The following SEPTIN8 variants were observed in gnomAD, a reference collection of about 807,000 sequenced individuals.
SEPTIN8 encodes septin-8.
SEPTIN8 carries 22 observed loss-of-function variants against 53.1 expected under a neutral mutation model. That is an observed-to-expected ratio of 0.41 (90% CI 0.30 to 0.59). The LOEUF is 0.59. Among genes scored for constraint, SEPTIN8 ranks in the 20% least tolerant of loss-of-function variants. The pLI is 0.24. For synonymous variants in SEPTIN8, 228 were observed against 248.4 expected (o/e 0.92, Z 0.77); for missense variants, 536 against 638.7 (o/e 0.84, Z 1.73).
Position 132,762,562 on chromosome 5 carries a change from C to A in SEPTIN8, c.618G>T (p.Glu206Asp). The A allele has an allele frequency of 6.2e-7, 1 of 1,614,248 alleles. No individual in the cohort carries two copies. Among genetic ancestry groups the A allele is most frequent in the Non-Finnish European group, 8.5e-7 (1 of 1,180,024 alleles). ...AGATCTGGACCCCGTTGCTGACCAA[C>A]TCGCCCATGATCTTGATCTTGAACT... ...LHKFKIKIMG[E>D]LVSNGVQIYQ... The change falls in exon 5 of 10, where the codon GAG becomes GAT. Residue 206 changes from glutamate to aspartate, a missense_variant. This residue lies in a region of SEPTIN8 where 395 missense variants were observed against 451.8 expected (regional missense o/e 0.87). Coordinates refer to ENST00000378719, the MANE Select transcript of SEPTIN8 (RefSeq NM_001098811.2).
rs759036472 is a variant in SEPTIN8, at chr5:132,762,619, C to T, written c.561G>A (p.Lys187=). The change falls in exon 5 of 10, where the codon AAG becomes AAA. Residue 187 remains lysine (K), a synonymous_variant. Coordinates refer to ENST00000378719, the MANE Select transcript of SEPTIN8 (RefSeq NM_001098811.2). ...SKVNIIPIIA[K]ADTISKSELH... ...GCTCGCTCTTGGAGATGGTGTCAGCCTTGGCGATGATGGGAATAATGTTCA... is the reference window on the plus strand; with the variant it reads ...GCTCGCTCTTGGAGATGGTGTCAGCTTTGGCGATGATGGGAATAATGTTCA... The T allele has an allele frequency of 6.2e-7, 1 of 1,614,226 alleles. No individual in the cohort carries two copies. The highest frequency in any genetic ancestry group is 8.5e-7 in the Non-Finnish European group (1 of 1,180,040).
At chr5:132,777,301 A>T (rs1481065406), upstream of SEPTIN8, 1 of 1,090,514 alleles carries the variant, frequency 9.2e-7, no homozygotes, top group East Asian at 5.5e-5. The surrounding 1 kb of genome is among the most constrained non-coding windows in gnomAD (Gnocchi z 4.1). Flanking sequence ...GAAGCCGCGG[A>T]GCCGCCCCTG....
In SEPTIN8 at chr5:132,763,828, T is replaced by A; in HGVS notation, c.412A>T (p.Ile138Phe). The change falls in exon 4 of 10, where the codon ATC (isoleucine) becomes TTC (phenylalanine). Residue 138 changes from isoleucine (I) to phenylalanine (F), a missense_variant. Physicochemically the swap from Ile to Phe is conservative, Grantham distance 21. Transcript: ENST00000378719. ...FENYLQEELK[I>F]RRSLFDYHDT... ...TGGTAGTCGAAGAGCGAGCGGCGGATCTTCAGCTCCTCCTGCAGATAATTT... is the reference window on the plus strand; with the variant it reads ...TGGTAGTCGAAGAGCGAGCGGCGGAACTTCAGCTCCTCCTGCAGATAATTT... 6.2e-7 allele frequency: 1 copy of A among 1,610,448 alleles called. No homozygotes were observed. The highest frequency in any genetic ancestry group is 8.5e-7 in the Non-Finnish European group (1 of 1,178,228).
intron 1 of SEPTIN8, among the ~76,000 whole-genome samples, chr5:132,772,879 A>C (rs374371500): frequency 6.6e-6 from 1 of 152,238 alleles, no homozygotes; most frequent in African/African-American, 2.4e-5. Context: ...CAAGCCCTGG[A>C]GCCCCCTCAG....
chr5:132,756,387 T>C, intron 9 of SEPTIN8: 2 of 984,838 alleles, frequency 2.0e-6, no homozygotes, highest in Non-Finnish European at 2.4e-6. Context: ...ACGAATTATA[T>C]GGTGATTCTT....
chr5:132,753,260 C>T (rs185878684), intron 9 of SEPTIN8: 1 of 371,542 alleles, frequency 2.7e-6, no homozygotes, highest in Admixed American at 3.8e-5. Context: ...CAAATGGCAG[C>T]TTGTTTTACC....
chr5:132,758,244 G>A, intron 9 of SEPTIN8: 6 of 1,269,904 alleles, frequency 4.7e-6, no homozygotes, highest in Non-Finnish European at 6.0e-6. Context: ...AAAAATCAGG[G>A]AATCTGTGTT....
intron 2 of SEPTIN8, among the ~76,000 whole-genome samples, chr5:132,764,754 T>C (rs1176796801): frequency 6.6e-6 from 1 of 151,838 alleles, no homozygotes; most frequent in Non-Finnish European, 1.5e-5. Context: ...ACCTCACACA[T>C]AACCTGCTCT....
At chr5:132,777,337 C>T (rs1439769644), upstream of SEPTIN8, 3 of 1,058,182 alleles carry the variant, frequency 2.8e-6, no homozygotes, top group African/African-American at 1.7e-5. This position sits in a 1 kb window ranked among gnomAD's most constrained non-coding sequence, Gnocchi z 4.1. Flanking sequence ...CCGGCCTCCC[C>T]GCCCGGCCCG....
intron 1 of SEPTIN8, among the ~76,000 whole-genome samples, chr5:132,774,394 G>A (rs1051571944): frequency 6.6e-5 from 10 of 152,194 alleles, no homozygotes; most frequent in Non-Finnish European, 1.5e-4. Context: ...GCTGGCCCTC[G>A]GGGAAGAAAG....
intron 4 of SEPTIN8, 46 bp downstream of exon 4, chr5:132,763,660 A>G (rs758847083): frequency 7.6e-6 from 12 of 1,570,394 alleles, no homozygotes; most frequent in Admixed American, 1.7e-5. Flanking sequence ...ATCGCATCGC[A>G]GCAGAAGACT....
chr5:132,779,643 A>G (rs942282088), upstream of SEPTIN8, among the ~76,000 whole-genome samples: 12 of 152,206 alleles, frequency 7.9e-5, no homozygotes, highest in African/African-American at 2.7e-4. Context: ...GATGTTGTCA[A>G]GTGTACTTGT....
At chr5:132,759,528 T>C (rs1755676894) in intron 9 of SEPTIN8, among the ~76,000 whole-genome samples, 1 of 152,218 alleles carries the variant, frequency 6.6e-6, no homozygotes, top group Non-Finnish European at 1.5e-5. Flanking sequence ...CTGGCTACCT[T>C]TTCTTTAACA....
Position 132,777,055 on chromosome 5 carries a change from C to T in SEPTIN8, c.30+53G>A. The T allele has an allele frequency of 2.8e-6, 3 of 1,089,510 alleles. No individual in the cohort carries two copies. Among genetic ancestry groups the T allele is most frequent in the Non-Finnish European group, 3.4e-6 (3 of 880,324 alleles). The allele number at this position is 1,089,510 out of a possible 1,614,324, so 67.5% of individuals were successfully genotyped here. On this transcript the variant is annotated intron_variant, in intron 1 of 9. Coordinates refer to ENST00000378719, the MANE Select transcript of SEPTIN8 (RefSeq NM_001098811.2). This position sits in a 1 kb window ranked among gnomAD's most constrained non-coding sequence, Gnocchi z 4.1. ...CGCCCCCCGCCAGCTGCAGGGCGGCCCCTCCTGCGCCCCGCGCCTCCCGCG... is the reference window on the plus strand; with the variant it reads ...CGCCCCCCGCCAGCTGCAGGGCGGCTCCTCCTGCGCCCCGCGCCTCCCGCG...
chr5:132,759,681 G>A (rs2149963094), intron 9 of SEPTIN8, among the ~76,000 whole-genome samples: 1 of 152,296 alleles, frequency 6.6e-6, no homozygotes, highest in Admixed American at 6.5e-5. Flanking sequence ...AGGAGGAAAT[G>A]GATCCCGAGA....
At chr5:132,763,939 G>A in intron 3 of SEPTIN8, 47 bp from the exon 4 acceptor site, 3 of 1,499,950 alleles carry the variant, frequency 2.0e-6, no homozygotes, top group East Asian at 2.3e-5. Context: ...GAGATCAGGG[G>A]CTTGGGGCTT....
intron 3 of SEPTIN8, 115 bp downstream of exon 3, chr5:132,764,109 T>C: frequency 4.3e-6 from 5 of 1,163,864 alleles, no homozygotes; most frequent in East Asian, 4.8e-5. Context: ...GCCTCAGATA[T>C]TCCCCAAGAG....
At chr5:132,758,235 A>C in intron 9 of SEPTIN8, 1 of 1,257,504 alleles carries the variant, frequency 8.0e-7, no homozygotes, top group Non-Finnish European at 1.0e-6. Context: ...TTAGTTTTTA[A>C]AAATCAGGGA....
rs1326679376 is a variant in SEPTIN8, at chr5:132,770,070, T to C, written c.31-4541A>G. 6.1e-5 allele frequency among the ~76,000 whole-genome samples: 4 copies of C among 65,220 alleles called. No homozygotes were observed. In the African/African-American group the frequency reaches 9.9e-4, roughly 16 times the overall value. 42.8% of individuals were successfully genotyped at this position (65,220 alleles called of 152,430 possible). A position where few individuals can be genotyped will look rare whatever the true frequency, so the allele number is the denominator to read the frequency against. On this transcript the variant is annotated intron_variant, in intron 1 of 9. Transcript: ENST00000378719. The stretch of plus-strand genomic sequence containing the variant: ...GTGTGTGTGTGTGTGTGTGTATATA[T>C]ATATATATATGTATATATGTATATA...
Sources: allele counts gnomAD v4.1 joint callset (sites outside exome capture counted in the v4.1 genomes callset), GRCh38; gene constraint gnomAD v4.1.1; regional missense constraint gnomAD v4.1.1; non-coding constraint Gnocchi (gnomAD v3.1); transcripts MANE v1.5; gene names NCBI Gene and HGNC (gene_info 2026-07-23, HGNC 2026-07-21).